Variants in CPSF3 observed in about 807,000 individuals in gnomAD.
The protein encoded by CPSF3 is cleavage and polyadenylation specific factor 3.
CPSF3 carries 57 observed loss-of-function variants against 84.1 expected under a neutral mutation model. The observed-to-expected ratio is 0.68, with a 90% CI of 0.55 to 0.85. CPSF3 has a LOEUF of 0.85. Among genes scored for constraint, CPSF3 ranks in the 40% least tolerant of loss-of-function variants. The pLI, the probability that CPSF3 is intolerant of heterozygous loss-of-function variation, is 0.00. For missense variants in CPSF3, 522 were observed against 838.8 expected, an observed-to-expected ratio of 0.62 and a Z score of 4.66; for synonymous variants, 275 against 278.1, an observed-to-expected ratio of 0.99 and a Z score of 0.11.
chr2:9,425,229 G>A (rs575285717), intron 1 of CPSF3, among the ~76,000 whole-genome samples: 1 of 152,346 alleles, frequency 6.6e-6, no homozygotes, highest in South Asian at 2.1e-4. Flanking sequence ...TGTAGCTAAA[G>A]AGTTGAGTTA....
chr2:9,451,053 T>A (rs1334926045), intron 11 of CPSF3, among the ~76,000 whole-genome samples: 1 of 152,140 alleles, frequency 6.6e-6, no homozygotes, highest in African/African-American at 2.4e-5. Flanking sequence ...CATACTCTGC[T>A]GGTGGTGGAT....
intron 16 of CPSF3, 113 bp downstream of exon 16, chr2:9,467,889 C>T: frequency 1.3e-6 from 1 of 785,794 alleles, no homozygotes; most frequent in South Asian, 1.6e-5. Flanking sequence ...CAGGCCACTG[C>T]CATGCTCGGA....
At chr2:9,437,591 A>G (rs1680829965) in intron 7 of CPSF3, among the ~76,000 whole-genome samples, 1 of 152,218 alleles carries the variant, frequency 6.6e-6, no homozygotes, top group African/African-American at 2.4e-5. Flanking sequence ...TTTTGTAATA[A>G]GAGAAACAAT....
At position 9,432,578 on chromosome 2, in the gene CPSF3, A is replaced by G; in HGVS notation, c.409A>G (p.Thr137Ala). ...GGAAGAAAGCATGGACAAAATTGAA[A>G]CTATCAACTTTCATGAAGTTAAGGA... ...DLEESMDKIE[T>A]INFHEVKEVA... The change falls in exon 5 of 18, where the codon ACT becomes GCT. Residue 137 changes from threonine to alanine, a missense_variant. Around this residue, in one of 2 missense-constraint regions of CPSF3, gnomAD observed 329 missense variants for 607.2 expected, o/e 0.54. Coordinates refer to ENST00000238112, the MANE Select transcript of CPSF3 (RefSeq NM_016207.4). The G allele has an allele frequency of 6.4e-7, 1 of 1,570,724 alleles. No homozygotes were observed.
In CPSF3 at chr2:9,423,686, CT is replaced by C. The variant is rs1481667410; in HGVS notation, c.-82del. On this transcript the variant is annotated 5_prime_UTR_variant, in exon 1 of 18. It removes the in-frame stop codon of an upstream open reading frame in the 5' UTR. Transcript: ENST00000238112. The stretch of plus-strand genomic sequence containing the variant: ...GTGCTCTTGGTGAATGGGGTTCTTC[CT>C]TTTTTATTTACCGGTGGCTGTGCTT... 7 of 1,533,864 alleles carry C rather than the reference CT, an allele frequency of 4.6e-6. No homozygotes were observed. In the South Asian group the frequency reaches 8.3e-5, roughly 18 times the overall value.
chr2:9,428,060 G>C (rs188705893), intron 1 of CPSF3, among the ~76,000 whole-genome samples: 5 of 150,766 alleles, frequency 3.3e-5, no homozygotes, highest in South Asian at 2.1e-4. Context: ...GCAGTGGCGC[G>C]ATCTCAGCTC....
intron 16 of CPSF3, among the ~76,000 whole-genome samples, chr2:9,470,462 T>G (rs1682126835): frequency 6.6e-6 from 1 of 152,226 alleles, no homozygotes. Context: ...GGTGGACTGC[T>G]GTTTCCTAAC....
intron 1 of CPSF3, 76 bp from the exon 2 acceptor site, chr2:9,428,689 G>T: frequency 1.0e-6 from 1 of 985,450 alleles, no homozygotes; most frequent in Non-Finnish European, 1.6e-6. Flanking sequence ...AGTGTACATT[G>T]TAAAAAAGTG....
intron 6 of CPSF3, among the ~76,000 whole-genome samples, chr2:9,434,859 G>A (rs1435111800): frequency 6.6e-6 from 1 of 152,172 alleles, no homozygotes; most frequent in Non-Finnish European, 1.5e-5. Flanking sequence ...GTGGTTCAAG[G>A]AGGAAGAGTT....
chr2:9,456,841 G>C, intron 13 of CPSF3, 92 bp from the exon 14 acceptor site: 2 of 695,354 alleles, frequency 2.9e-6, no homozygotes, highest in South Asian at 5.0e-5. Context: ...TTGTGTAGCT[G>C]CTTTATTTTA....
At chr2:9,428,984 A>G (rs543414242) in intron 2 of CPSF3, among the ~76,000 whole-genome samples, 156 bp downstream of exon 2, 71 of 152,350 alleles carry the variant, frequency 4.7e-4, no homozygotes, top group Non-Finnish European at 6.2e-4. Flanking sequence ...ACTAATACAC[A>G]CTTCTACTTA....
At chr2:9,442,054 C>G (rs1680973541) in intron 9 of CPSF3, 78 bp downstream of exon 9, 2 of 1,422,902 alleles carry the variant, frequency 1.4e-6, no homozygotes, top group Non-Finnish European at 1.9e-6. Context: ...GGTTTTTGCA[C>G]TGAAGTAGTT....
rs376209175 is a variant in CPSF3, at chr2:9,452,857, C to T, written c.1396-56C>T. 8.9e-4 allele frequency: 994 copies of T among 1,117,024 alleles called. 19 individuals carry two copies. In the South Asian group the frequency reaches 0.013, roughly 15 times the overall value. The allele number at this position is 1,117,024 out of a possible 1,614,324, so 69.2% of individuals were successfully genotyped here. ...CATTATGATGAACTGCATTTTATTA[C>T]CTGAAAAACTGCATTTTACCAGGTT... is the stretch of plus-strand genomic sequence containing the variant. On this transcript the variant is annotated intron_variant, in intron 11 of 17. Transcript: ENST00000238112.
intron 15 of CPSF3, among the ~76,000 whole-genome samples, chr2:9,466,294 A>C (rs1311223560): frequency 8.1e-6 from 1 of 122,906 alleles, no homozygotes; most frequent in African/African-American, 2.8e-5. Flanking sequence ...GCGCACACAG[A>C]CGCATGCACA....
chr2:9,453,135 AG>A, intron 12 of CPSF3, 114 bp downstream of exon 12: 1 of 609,390 alleles, frequency 1.6e-6, no homozygotes, highest in Non-Finnish European at 2.7e-6. Context: ...ATAATAAAAA[AG>A]GAATGAGGCA....
At chr2:9,448,386 T>C (rs748715056) in intron 11 of CPSF3, 36 bp downstream of exon 11, 5 of 1,534,516 alleles carry the variant, frequency 3.3e-6, no homozygotes, top group Middle Eastern at 1.7e-4. Context: ...CCAATCCATG[T>C]TTTTTCTTCA....
intron 16 of CPSF3, among the ~76,000 whole-genome samples, chr2:9,469,526 T>C (rs1396617451): frequency 3.9e-5 from 6 of 152,200 alleles, no homozygotes; most frequent in Admixed American, 2.6e-4. Context: ...TTCACATTGC[T>C]GTGGCTGGTC....
intron 14 of CPSF3, among the ~76,000 whole-genome samples, chr2:9,459,138 G>A (rs548183485): frequency 6.6e-6 from 1 of 151,458 alleles, no homozygotes; most frequent in African/African-American, 2.4e-5. Context: ...TACCCTCTTC[G>A]CATTCTGTCT....
At position 9,441,718 on chromosome 2, in the gene CPSF3, G is replaced by A. The variant is rs1572779530; in HGVS notation, c.937-100G>A. On this transcript the variant is annotated intron_variant, in intron 8 of 17. Transcript: ENST00000238112. ...ATCTTGTGAAGGCTCTTTCAGTGAT[G>A]TGATTAATCTCTTAGCCTTTTGTTA... The A allele has an allele frequency of 5.9e-6, 7 of 1,179,118 alleles. No individual in the cohort carries two copies. The East Asian group carries it at 1.8e-4, about 29-fold the overall frequency. The allele number at this position is 1,179,118 out of a possible 1,614,324, so 73.0% of individuals were successfully genotyped here.
Sources: allele counts gnomAD v4.1 joint callset (sites outside exome capture counted in the v4.1 genomes callset), GRCh38; gene constraint gnomAD v4.1.1; regional missense constraint gnomAD v4.1.1; transcripts MANE v1.5; gene names NCBI Gene and HGNC (gene_info 2026-07-23, HGNC 2026-07-21).